Variants in EXOC6B observed in about 807,000 individuals in gnomAD.
The protein encoded by EXOC6B is SEC15 homolog B.
EXOC6B carries 54 observed loss-of-function variants against 113.5 expected under a neutral mutation model. That is an observed-to-expected ratio of 0.48 (90% confidence interval 0.38 to 0.60). EXOC6B has a LOEUF of 0.60. EXOC6B is among the 20% of genes least tolerant of loss of function. The pLI, the probability that EXOC6B is intolerant of heterozygous loss-of-function variation, is 0.00. For missense variants in EXOC6B, 797 were observed against 977.5 expected (o/e 0.82, Z 2.46); for synonymous variants, 357 against 339.0 (o/e 1.05, Z -0.58).
chr2:72,265,954 T>G (rs1300007643), intron 20 of EXOC6B, among the ~76,000 whole-genome samples: 1 of 151,806 alleles, frequency 6.6e-6, no homozygotes, highest in African/African-American at 2.4e-5. Context: ...TTCTAACTGG[T>G]GTGAGATGGT....
chr2:72,531,157 C>T (rs1446671188), intron 8 of EXOC6B, among the ~76,000 whole-genome samples: 2 of 151,942 alleles, frequency 1.3e-5, no homozygotes, highest in African/African-American at 4.8e-5. Context: ...TTTTTCTTGC[C>T]TTCCTATGGG....
At chr2:72,427,586 C>A (rs1347995817) in intron 18 of EXOC6B, among the ~76,000 whole-genome samples, 16 of 152,212 alleles carry the variant, frequency 1.1e-4, no homozygotes. Flanking sequence ...GGACTTTGAA[C>A]ACCAACAAGC....
intron 18 of EXOC6B, among the ~76,000 whole-genome samples, chr2:72,422,441 T>A (rs1045817327): frequency 6.6e-6 from 1 of 151,106 alleles, no homozygotes; most frequent in Non-Finnish European, 1.5e-5. Flanking sequence ...AGAACCTTTA[T>A]GTCTAGCTCA....
intron 20 of EXOC6B, among the ~76,000 whole-genome samples, chr2:72,199,179 G>T (rs1346294125): frequency 6.6e-6 from 1 of 152,142 alleles, no homozygotes; most frequent in African/African-American, 2.4e-5. Context: ...GTAATATTGA[G>T]CCACACACCA....
At chr2:72,663,703 G>C (rs756055495) in intron 6 of EXOC6B, among the ~76,000 whole-genome samples, 30 of 152,080 alleles carry the variant, frequency 2.0e-4, no homozygotes, top group African/African-American at 6.3e-4. Context: ...GGGAAAGGGA[G>C]GGGGAGGGAT....
chr2:72,404,014 T>C (rs1693542446), intron 18 of EXOC6B, among the ~76,000 whole-genome samples: 1 of 152,192 alleles, frequency 6.6e-6, no homozygotes, highest in Non-Finnish European at 1.5e-5. Flanking sequence ...CCCACCCTAA[T>C]ACTGCGATTT....
intron 19 of EXOC6B, among the ~76,000 whole-genome samples, chr2:72,353,410 C>T (rs1337864515): frequency 6.3e-5 from 7 of 111,402 alleles, no homozygotes; most frequent in African/African-American, 2.7e-4. Flanking sequence ...CTCGCTCTGT[C>T]GCCCAGGCTG....
At chr2:72,260,239 CTA>C (rs776457505) in intron 20 of EXOC6B, among the ~76,000 whole-genome samples, 2 of 152,060 alleles carry the variant, frequency 1.3e-5, no homozygotes, top group Admixed American at 1.3e-4. Flanking sequence ...GGAAATTGAA[CTA>C]TGTGTATATC....
At chr2:72,401,487 T>G (rs1332472878) in intron 18 of EXOC6B, among the ~76,000 whole-genome samples, 2 of 106,548 alleles carry the variant, frequency 1.9e-5, no homozygotes, top group African/African-American at 7.2e-5. Context: ...AGAAAATATT[T>G]TATATACATA....
intron 19 of EXOC6B, among the ~76,000 whole-genome samples, chr2:72,349,949 A>G (rs776974360): frequency 5.7e-4 from 87 of 152,158 alleles, no homozygotes; most frequent in Non-Finnish European, 4.4e-4. Flanking sequence ...CTGGGAAGTT[A>G]CAGTTAGATT....
At chr2:72,470,746 C>T (rs1698354280) in intron 17 of EXOC6B, among the ~76,000 whole-genome samples, 1 of 151,308 alleles carries the variant, frequency 6.6e-6, no homozygotes, top group African/African-American at 2.4e-5. Context: ...CTATAGTTTG[C>T]TGAGAATGAT....
chr2:72,340,816 G>A (rs192663380), intron 19 of EXOC6B, among the ~76,000 whole-genome samples: 49 of 152,274 alleles, frequency 3.2e-4, no homozygotes, highest in African/African-American at 1.1e-3. Flanking sequence ...TGAAGGGTGT[G>A]CTAGACTATG....
intron 18 of EXOC6B, among the ~76,000 whole-genome samples, chr2:72,421,836 G>A (rs1275575380): frequency 3.3e-5 from 5 of 152,334 alleles, no homozygotes; most frequent in South Asian, 2.1e-4. Context: ...AGGGAGAGGC[G>A]CGAGCGGGAA....
chr2:72,764,227 C>T (rs1202459433), intron 1 of EXOC6B, among the ~76,000 whole-genome samples: 2 of 151,884 alleles, frequency 1.3e-5, no homozygotes, highest in Non-Finnish European at 2.9e-5. Flanking sequence ...TACTTATATA[C>T]CCCTTTTAGT....
intron 8 of EXOC6B, among the ~76,000 whole-genome samples, chr2:72,522,870 T>C (rs1701566417): frequency 2.6e-5 from 4 of 152,236 alleles, no homozygotes; most frequent in Admixed American, 2.6e-4. Flanking sequence ...AAATCTGTTC[T>C]CCAGCATCAT....
At chr2:72,662,825 G>A (rs769642726) in intron 6 of EXOC6B, among the ~76,000 whole-genome samples, 4 of 151,694 alleles carry the variant, frequency 2.6e-5, no homozygotes, top group East Asian at 3.9e-4. Flanking sequence ...CACAACCTCC[G>A]ACTCCCTAGT....
At chr2:72,269,134 A>G (rs921090717) in intron 20 of EXOC6B, among the ~76,000 whole-genome samples, 14 of 152,206 alleles carry the variant, frequency 9.2e-5, no homozygotes, top group African/African-American at 3.4e-4. Context: ...TTCTCCTTTA[A>G]CTATGTTTCT....
Position 72,231,819 on chromosome 2 carries a change from C to G in EXOC6B, c.2197-47632G>C, listed in dbSNP as rs77792346. Among the ~76,000 whole-genome samples the G allele has an allele frequency of 8.5e-5, 13 of 152,248 alleles. No homozygotes were observed. In the East Asian group the frequency reaches 2.5e-3, roughly 29 times the overall value. On this transcript the variant is annotated intron_variant, in intron 20 of 21. Transcript: ENST00000272427. ...AAATATATATATATGTGCTTATACA[C>G]TGCTGGTGGGAATGTAAATTAGTTC...
intron 5 of EXOC6B, among the ~76,000 whole-genome samples, chr2:72,724,891 G>A (rs547658977): frequency 1.5e-4 from 23 of 152,244 alleles, no homozygotes; most frequent in Middle Eastern, 6.8e-3. Flanking sequence ...AGAGGGCTGA[G>A]GGGGTGGGGA....
Sources: allele counts gnomAD v4.1 joint callset (sites outside exome capture counted in the v4.1 genomes callset), GRCh38; gene constraint gnomAD v4.1.1; transcripts MANE v1.5; gene names NCBI Gene and HGNC (gene_info 2026-07-23, HGNC 2026-07-21).